Variants in GPC5 observed in about 807,000 individuals in gnomAD.
GPC5 encodes glypican 5.
Under a neutral mutation model 53.9 loss-of-function variants are expected in GPC5, and 47 were observed. That is an observed-to-expected ratio of 0.87 (90% CI 0.69 to 1.11). The LOEUF (loss-of-function observed/expected upper bound fraction) is 1.11. GPC5 is among the 50% of genes most tolerant of loss of function. The pLI is 0.00. For missense variants in GPC5, 748 were observed against 713.1 expected, an observed-to-expected ratio of 1.05 and a Z score of -0.56; for synonymous variants, 286 against 263.3, an observed-to-expected ratio of 1.09 and a Z score of -0.84.
chr13:92,680,599 A>G (rs1375642567), intron 7 of GPC5, among the ~76,000 whole-genome samples: 11 of 152,204 alleles, frequency 7.2e-5, no homozygotes, highest in Admixed American at 7.2e-4. Context: ...AAGAGACCTC[A>G]TTCTTTCCAT....
At chr13:92,862,660 G>T (rs1879220808) in intron 7 of GPC5, among the ~76,000 whole-genome samples, 1 of 151,418 alleles carries the variant, frequency 6.6e-6, no homozygotes, top group Non-Finnish European at 1.5e-5. Context: ...TAGATAGATA[G>T]ATAGATAGAT....
At chr13:91,539,420 G>T (rs1016347185) in intron 2 of GPC5, among the ~76,000 whole-genome samples, 2 of 152,144 alleles carry the variant, frequency 1.3e-5, no homozygotes, top group South Asian at 4.1e-4. Context: ...TTTAGTCTCT[G>T]TGGGTTTCTT....
At chr13:91,482,397 A>C (rs1156499432) in intron 2 of GPC5, among the ~76,000 whole-genome samples, 2 of 152,120 alleles carry the variant, frequency 1.3e-5, no homozygotes, top group Admixed American at 1.3e-4. Flanking sequence ...TGAGGAATAC[A>C]TTTCTGTTCT....
intron 7 of GPC5, among the ~76,000 whole-genome samples, chr13:92,295,542 C>T (rs1269884391): frequency 6.6e-6 from 1 of 152,120 alleles, no homozygotes; most frequent in African/African-American, 2.4e-5. Context: ...CTGTCTAGTG[C>T]TGTCAGTGGA....
intron 7 of GPC5, among the ~76,000 whole-genome samples, chr13:92,553,829 A>G (rs539363479): frequency 4.6e-5 from 7 of 151,936 alleles, no homozygotes; most frequent in Admixed American, 3.3e-4. Flanking sequence ...TCCAGAATCC[A>G]CAGGAATTCC....
At chr13:92,652,605 G>T (rs1253945983) in intron 7 of GPC5, among the ~76,000 whole-genome samples, 1 of 152,054 alleles carries the variant, frequency 6.6e-6, no homozygotes, top group African/African-American at 2.4e-5. Flanking sequence ...CTGAGATTTT[G>T]CATATTTTAC....
At chr13:91,622,187 A>G (rs1192798458) in intron 2 of GPC5, among the ~76,000 whole-genome samples, 2 of 152,058 alleles carry the variant, frequency 1.3e-5, no homozygotes, top group Non-Finnish European at 2.9e-5. Flanking sequence ...TCAAGTGTTA[A>G]TCTCCTTTGG....
intron 5 of GPC5, among the ~76,000 whole-genome samples, chr13:91,886,226 C>T (rs2039320586): frequency 6.6e-6 from 1 of 152,082 alleles, no homozygotes; most frequent in African/African-American, 2.4e-5. Context: ...ACAGCATGTG[C>T]AGGGGAACTC....
In GPC5 at chr13:91,409,076, C is replaced by T. The variant is rs189214435; in HGVS notation, c.163+9867C>T. ...ATGGAAGATTGTCAATATCAAATTACTTGTGCAGATTTATTTGCTCTTTGA... is the reference window on the plus strand; with the variant it reads ...ATGGAAGATTGTCAATATCAAATTATTTGTGCAGATTTATTTGCTCTTTGA... On this transcript the variant is annotated intron_variant, in intron 1 of 7. Transcript: ENST00000377067. Among the ~76,000 whole-genome samples, 389 of 152,226 alleles carry T rather than the reference C, an allele frequency of 2.6e-3. 1 individual carries two copies. The highest frequency in any genetic ancestry group is 9.1e-3 in the African/African-American group (377 of 41,548).
At chr13:91,904,493 G>A (rs1038699323) in intron 5 of GPC5, among the ~76,000 whole-genome samples, 2 of 151,952 alleles carry the variant, frequency 1.3e-5, no homozygotes, top group African/African-American at 2.4e-5. Context: ...ATACTTATTG[G>A]TGGTTGTATT....
rs529682382 is a variant in GPC5 at position 91,621,253 on chromosome 13, C to T, written c.326-71934C>T. On this transcript the variant is annotated intron_variant, in intron 2 of 7. Transcript: ENST00000377067. Reference sequence around the variant, plus strand: ...GCTTTCTTTAAAAAAGAGAAGTCACCGACTATTAAAAATAGGTATCTGTTT... The same window carrying T: ...GCTTTCTTTAAAAAAGAGAAGTCACTGACTATTAAAAATAGGTATCTGTTT... 8.5e-4 allele frequency among the ~76,000 whole-genome samples: 130 copies of T among 152,082 alleles called. 1 individual carries two copies. The highest frequency in any genetic ancestry group is 2.1e-3 in the South Asian group (10 of 4,816).
intron 7 of GPC5, among the ~76,000 whole-genome samples, chr13:92,388,343 A>C (rs989884190): frequency 2.5e-4 from 38 of 152,214 alleles, no homozygotes; most frequent in African/African-American, 8.9e-4. Flanking sequence ...GCTTAGTATT[A>C]CCTTACTGTA....
intron 6 of GPC5, among the ~76,000 whole-genome samples, chr13:91,912,781 A>G (rs2139004656): frequency 6.6e-6 from 1 of 152,344 alleles, no homozygotes. Context: ...CAGTAGACGT[A>G]AAATATTTTT....
intron 7 of GPC5, among the ~76,000 whole-genome samples, chr13:92,399,645 T>C (rs754343874): frequency 2.0e-5 from 3 of 152,176 alleles, no homozygotes; most frequent in Non-Finnish European, 4.4e-5. Context: ...CATGTGCATT[T>C]CTCATTAGGC....
intron 5 of GPC5, among the ~76,000 whole-genome samples, chr13:91,801,296 T>G (rs1014546430): frequency 8.0e-5 from 12 of 150,406 alleles, no homozygotes; most frequent in African/African-American, 2.7e-4. Flanking sequence ...TGTGTGTGTT[T>G]TCTTCAGAAA....
chr13:91,849,433 A>G (rs1030269536), intron 5 of GPC5, among the ~76,000 whole-genome samples: 3 of 152,180 alleles, frequency 2.0e-5, no homozygotes, highest in Admixed American at 6.5e-5. Context: ...CTCTATGAAC[A>G]TTTAAAAATA....
intron 6 of GPC5, among the ~76,000 whole-genome samples, chr13:92,088,334 C>G (rs939999383): frequency 1.3e-5 from 2 of 151,994 alleles, no homozygotes; most frequent in African/African-American, 4.8e-5. Context: ...TAGGGAGTGC[C>G]CTTGGAATAA....
intron 7 of GPC5, among the ~76,000 whole-genome samples, chr13:92,591,181 T>G (rs754483578): frequency 6.6e-6 from 1 of 152,220 alleles, no homozygotes; most frequent in Non-Finnish European, 1.5e-5. Context: ...CTTAAAACCA[T>G]GCTTTTAGGA....
At chr13:92,722,737 G>A (rs1163453087) in intron 7 of GPC5, among the ~76,000 whole-genome samples, 1 of 151,870 alleles carries the variant, frequency 6.6e-6, no homozygotes, top group Non-Finnish European at 1.5e-5. Context: ...TAGAACTCCA[G>A]AGTGTGATTG....
Sources: allele counts gnomAD v4.1 joint callset (sites outside exome capture counted in the v4.1 genomes callset), GRCh38; gene constraint gnomAD v4.1.1; transcripts MANE v1.5; gene names NCBI Gene and HGNC (gene_info 2026-07-23, HGNC 2026-07-21).